The following NADSYN1 variants were observed in gnomAD, a reference collection of about 807,000 sequenced individuals.
NADSYN1 encodes glutamine-dependent NAD(+) synthetase.
Under a neutral mutation model 99.3 loss-of-function variants are expected in NADSYN1, and 80 were observed. The observed-to-expected ratio is 0.81, with a 90% CI of 0.67 to 0.97. The LOEUF (loss-of-function observed/expected upper bound fraction) is 0.97. Ranked by LOEUF, NADSYN1 falls within the 50% of genes least tolerant of loss-of-function variation. NADSYN1 has a pLI of 0.00. For missense variants in NADSYN1, 859 were observed against 948.5 expected (o/e 0.91, Z 1.24); for synonymous variants, 385 against 372.1 (o/e 1.03, Z -0.40).
chr11:71,499,010 CA>C (rs1320550016), intron 20 of NADSYN1: 1 of 154,898 alleles, frequency 6.5e-6, no homozygotes, highest in Non-Finnish European at 1.4e-5. Context: ...ATCACCTTTT[CA>C]AGATTCCACA....
At chr11:71,473,760 C>T in intron 8 of NADSYN1, 74 bp downstream of exon 8, 3 of 1,062,480 alleles carry the variant, frequency 2.8e-6, no homozygotes, top group Non-Finnish European at 4.3e-6. Flanking sequence ...CCTCAGTGCC[C>T]ATCGCAGGGC....
chr11:71,472,243 A>G (rs1421067587), intron 5 of NADSYN1, among the ~76,000 whole-genome samples: 4 of 152,130 alleles, frequency 2.6e-5, no homozygotes, highest in African/African-American at 7.2e-5. Flanking sequence ...GCCCACCACC[A>G]TGTCACATAG....
intron 20 of NADSYN1, among the ~76,000 whole-genome samples, 183 bp from the exon 21 acceptor site, chr11:71,501,119 A>G (rs1014055830): frequency 6.6e-6 from 1 of 152,232 alleles, no homozygotes; most frequent in Non-Finnish European, 1.5e-5. Flanking sequence ...AGTGACAGCT[A>G]TGCGTGATCT....
chr11:71,483,321 T>C (rs1261928189), intron 14 of NADSYN1, among the ~76,000 whole-genome samples: 1 of 152,142 alleles, frequency 6.6e-6, no homozygotes, highest in Non-Finnish European at 1.5e-5. Context: ...GAGTCCTCCC[T>C]ATCTGACCCA....
intron 5 of NADSYN1, among the ~76,000 whole-genome samples, chr11:71,470,532 AT>A (rs1949620191): frequency 6.6e-6 from 1 of 152,198 alleles, no homozygotes. Flanking sequence ...CTTTTGCATA[AT>A]ATATTTTGCA....
intron 16 of NADSYN1, among the ~76,000 whole-genome samples, chr11:71,488,802 C>G (rs768657329): frequency 5.3e-5 from 8 of 152,142 alleles, no homozygotes; most frequent in Non-Finnish European, 8.8e-5. Flanking sequence ...GCATGCACCA[C>G]CACGCCTAAT....
At chr11:71,468,025 C>T (rs778301876) in intron 5 of NADSYN1, among the ~76,000 whole-genome samples, 41 of 152,190 alleles carry the variant, frequency 2.7e-4, no homozygotes, top group Non-Finnish European at 5.6e-4. Context: ...ACTCCTGCTT[C>T]GTAGTGGTGA....
chr11:71,489,735 A>G (rs553011951), intron 16 of NADSYN1, among the ~76,000 whole-genome samples: 3 of 152,262 alleles, frequency 2.0e-5, no homozygotes, highest in Non-Finnish European at 2.9e-5. Flanking sequence ...CACCCCCGAC[A>G]TTGCACCACA....
In NADSYN1 at chr11:71,482,876, C is replaced by A. The variant is rs1949718542; in HGVS notation, c.1178C>A (p.Thr393Asn). The A allele has an allele frequency of 6.2e-7, 1 of 1,612,906 alleles. No homozygotes were observed. Among genetic ancestry groups the A allele is most frequent in the Non-Finnish European group, 8.5e-7 (1 of 1,179,532 alleles). Reference sequence around the variant, plus strand: ...GAGGAAGTGCTGGCTGATGTCCGCACCATCGTGAACCAGATCAGCTACACC... The same window carrying A: ...GAGGAAGTGCTGGCTGATGTCCGCAACATCGTGAACCAGATCAGCTACACC... Reference protein sequence around the residue: ...GNEEVLADVRTIVNQISYTPQ... With the variant: ...GNEEVLADVRNIVNQISYTPQ... The change falls in exon 14 of 21, where the codon ACC becomes AAC. Residue 393 changes from threonine (T) to asparagine (N), a missense_variant. Physicochemically the swap from Thr to Asn is moderately conservative, Grantham distance 65. Coordinates refer to ENST00000319023, the MANE Select transcript of NADSYN1 (RefSeq NM_018161.5).
Position 71,497,484 on chromosome 11 carries a change from A to G in NADSYN1, c.1766A>G (p.Glu589Gly). The G allele has an allele frequency of 1.2e-6, 2 of 1,614,082 alleles. No individual in the cohort carries two copies. Among genetic ancestry groups the G allele is most frequent in the Non-Finnish European group, 1.7e-6 (2 of 1,179,994 alleles). Residue 589 changes from glutamate to glycine, a missense_variant and splice_region_variant, in exon 19 of 21, where the codon GAA (glutamate) becomes GGA (glycine). Physicochemically the swap from Glu to Gly is moderately conservative, Grantham distance 98. Transcript: ENST00000319023. ...GGAACAGATTTTTGTTGTGCACAGG[A>G]AGATATGGGGATGACATATGCGGAG... ...ADGQVSQTDE[E>G]DMGMTYAELS...
At chr11:71,487,098 C>T (rs900045635) in intron 16 of NADSYN1, among the ~76,000 whole-genome samples, 1 of 152,180 alleles carries the variant, frequency 6.6e-6, no homozygotes, top group African/African-American at 2.4e-5. Flanking sequence ...ACTCTGCATC[C>T]TTGCCTGTCT....
chr11:71,484,583 C>A, intron 15 of NADSYN1, 136 bp downstream of exon 15: 1 of 1,312,976 alleles, frequency 7.6e-7, no homozygotes, highest in Non-Finnish European at 1.0e-6. Flanking sequence ...CTAGGGACAG[C>A]CAGTGCTGGG....
In NADSYN1 at chr11:71,490,841, G is replaced by C. The variant is rs1358089268; in HGVS notation, c.1563-4G>C. ...ACCCGCGCTCTTTCTCCCTCTCCCTGCAGTCTCCTGGGCTACCTGACCAAG... is the reference window on the plus strand; with the variant it reads ...ACCCGCGCTCTTTCTCCCTCTCCCTCCAGTCTCCTGGGCTACCTGACCAAG... On this transcript the variant is annotated splice_polypyrimidine_tract_variant and splice_region_variant and intron_variant, in intron 16 of 20. Coordinates refer to ENST00000319023, the MANE Select transcript of NADSYN1 (RefSeq NM_018161.5). 1 of 1,614,018 alleles carries C rather than the reference G, an allele frequency of 6.2e-7. No homozygotes were observed. The highest frequency in any genetic ancestry group is 2.2e-5 in the East Asian group (1 of 44,880).
At chr11:71,491,706 C>T (rs989501977) in intron 17 of NADSYN1, 128 bp from the exon 18 acceptor site, 24 of 796,966 alleles carry the variant, frequency 3.0e-5, no homozygotes, top group Non-Finnish European at 3.9e-5. Flanking sequence ...GCCTTGGTGA[C>T]GTCCTACCCA....
chr11:71,479,266 T>A (rs991209337), intron 10 of NADSYN1: 1 of 151,270 alleles, frequency 6.6e-6, no homozygotes, highest in Admixed American at 6.6e-5. Context: ...TTTTTTAATT[T>A]TTTTTTTTTT....
chr11:71,453,529 C>T (rs1165602739), intron 1 of NADSYN1, 148 bp downstream of exon 1: 6 of 695,052 alleles, frequency 8.6e-6, no homozygotes, highest in Non-Finnish European at 1.5e-5. Flanking sequence ...GGCAATGACC[C>T]CGCCAGTGGT....
At chr11:71,477,407 G>A (rs1387592131) in intron 9 of NADSYN1, 4 of 1,289,820 alleles carry the variant, frequency 3.1e-6, no homozygotes, top group Non-Finnish European at 4.0e-6. Flanking sequence ...GCGTGAATCG[G>A]TCTCCTTGTC....
chr11:71,470,812 C>A (rs1192520295), intron 5 of NADSYN1, among the ~76,000 whole-genome samples: 1 of 152,212 alleles, frequency 6.6e-6, no homozygotes, highest in Non-Finnish European at 1.5e-5. Context: ...TCTTCAGGAA[C>A]CTCGATGGCT....
At chr11:71,489,952 C>G (rs1269028430) in intron 16 of NADSYN1, among the ~76,000 whole-genome samples, 1 of 152,192 alleles carries the variant, frequency 6.6e-6, no homozygotes, top group South Asian at 2.1e-4. Flanking sequence ...AACCTGGAGG[C>G]CTGCACCAGC....
Sources: allele counts gnomAD v4.1 joint callset (sites outside exome capture counted in the v4.1 genomes callset), GRCh38; gene constraint gnomAD v4.1.1; transcripts MANE v1.5; gene names NCBI Gene and HGNC (gene_info 2026-07-23, HGNC 2026-07-21).